The following SSBP2 variants were observed in gnomAD, a reference collection of about 807,000 sequenced individuals.
The protein encoded by SSBP2 is single-stranded DNA-binding protein 2.
Under a neutral mutation model 61.8 loss-of-function variants are expected in SSBP2, and 17 were observed. The ratio of observed to expected loss-of-function variants is 0.28; its 90% CI spans 0.19 to 0.41. The LOEUF (loss-of-function observed/expected upper bound fraction) is 0.41, where lower values mean the gene tolerates loss of function less well. Among genes scored for constraint, SSBP2 ranks in the 10% least tolerant of loss-of-function variants. The pLI is 1.00. For synonymous variants in SSBP2, 139 were observed against 141.3 expected (o/e 0.98, Z 0.12); for missense variants, 310 against 458.7 (o/e 0.68, Z 2.96).
chr5:81,434,774 A>G (rs1005654433), intron 15 of SSBP2, among the ~76,000 whole-genome samples: 11 of 152,162 alleles, frequency 7.2e-5, no homozygotes, highest in African/African-American at 2.7e-4. Flanking sequence ...AAACAAAAGG[A>G]AGAAGAAAGC....
At chr5:81,676,676 C>G (rs895966638) in intron 1 of SSBP2, among the ~76,000 whole-genome samples, 2 of 152,282 alleles carry the variant, frequency 1.3e-5, no homozygotes, top group Middle Eastern at 3.4e-3. Context: ...TTCCTAACTA[C>G]CATCCTCTCT....
At chr5:81,450,637 G>A (rs1334906154) in intron 10 of SSBP2, among the ~76,000 whole-genome samples, 1 of 152,106 alleles carries the variant, frequency 6.6e-6, no homozygotes, top group Non-Finnish European at 1.5e-5. Context: ...TATTCCTCAT[G>A]ACACTTACAA....
intron 1 of SSBP2, among the ~76,000 whole-genome samples, chr5:81,686,784 G>C (rs74566487): frequency 6.7e-6 from 1 of 149,696 alleles, no homozygotes; most frequent in Admixed American, 6.7e-5. Context: ...GAACCCAGGA[G>C]GTGAAGGTTG....
intron 5 of SSBP2, among the ~76,000 whole-genome samples, chr5:81,504,303 T>C (rs575804698): frequency 2.6e-5 from 4 of 152,334 alleles, no homozygotes; most frequent in Admixed American, 6.5e-5. Context: ...AATCTCCATG[T>C]GCAGCCAGAA....
chr5:81,478,914 C>T (rs1045002738), intron 6 of SSBP2, among the ~76,000 whole-genome samples: 27 of 152,170 alleles, frequency 1.8e-4, no homozygotes, highest in Admixed American at 3.3e-4. Flanking sequence ...TCTAGTATAT[C>T]TTTGAATATC....
intron 4 of SSBP2, among the ~76,000 whole-genome samples, chr5:81,557,897 G>C (rs1772729066): frequency 6.6e-6 from 1 of 152,072 alleles, no homozygotes; most frequent in Non-Finnish European, 1.5e-5. Context: ...TTGAAATCCA[G>C]ACATTATGAA....
At chr5:81,502,925 G>C (rs934775844) in intron 5 of SSBP2, among the ~76,000 whole-genome samples, 1 of 152,088 alleles carries the variant, frequency 6.6e-6, no homozygotes, top group African/African-American at 2.4e-5. Context: ...ATCTGACAAA[G>C]GTCTAATATC....
At position 81,426,445 on chromosome 5, in the gene SSBP2, G is replaced by A. The variant is rs114145605; in HGVS notation, c.1056+2140C>T. Among the ~76,000 whole-genome samples the A allele has an allele frequency of 2.9e-3, 445 of 152,284 alleles. 2 individuals carry two copies. Among genetic ancestry groups the A allele is most frequent in the African/African-American group, 9.4e-3 (391 of 41,554 alleles). On this transcript the variant is annotated intron_variant, in intron 16 of 16. Transcript: ENST00000320672. ...CTGGTGGGGACAGGAGACAAGGAGG[G>A]AAGAGAAAGCAGGGAACTTCTGTTT...
intron 4 of SSBP2, among the ~76,000 whole-genome samples, chr5:81,580,335 G>A (rs143048668): frequency 9.9e-5 from 15 of 151,994 alleles, no homozygotes; most frequent in Admixed American, 2.6e-4. Context: ...CCCTGTACTC[G>A]TGGGTAGAAG....
At chr5:81,738,378 C>T (rs1257861741) in intron 1 of SSBP2, among the ~76,000 whole-genome samples, 1 of 152,206 alleles carries the variant, frequency 6.6e-6, no homozygotes, top group Non-Finnish European at 1.5e-5. Flanking sequence ...TCAGCTCTAA[C>T]ATGTGTACTT....
At chr5:81,476,401 TTTCCTATTG>T (rs1414972583) in intron 6 of SSBP2, among the ~76,000 whole-genome samples, 4 of 152,208 alleles carry the variant, frequency 2.6e-5, no homozygotes, top group African/African-American at 9.6e-5. Context: ...GCAGGAATCA[TTTCCTATTG>T]TTCCTATCTA....
chr5:81,613,793 A>G (rs1745698574), intron 4 of SSBP2, among the ~76,000 whole-genome samples: 1 of 152,224 alleles, frequency 6.6e-6, no homozygotes, highest in South Asian at 2.1e-4. Context: ...ACCCCACTCT[A>G]TCCAATTCCT....
intron 4 of SSBP2, among the ~76,000 whole-genome samples, chr5:81,595,230 AG>A (rs758753980): frequency 4.6e-4 from 70 of 152,360 alleles, no homozygotes; most frequent in Non-Finnish European, 9.4e-4. Context: ...CAAATAAACT[AG>A]AAAATCTAGA....
chr5:81,603,235 C>G (rs1332691530), intron 4 of SSBP2, among the ~76,000 whole-genome samples: 3 of 152,156 alleles, frequency 2.0e-5, no homozygotes, highest in Admixed American at 6.6e-5. Context: ...AGGGGTTTCT[C>G]CACTCAGGTG....
At chr5:81,466,061 G>A (rs1764870305) in intron 9 of SSBP2, among the ~76,000 whole-genome samples, 1 of 151,982 alleles carries the variant, frequency 6.6e-6, no homozygotes, top group Non-Finnish European at 1.5e-5. Flanking sequence ...AATGATGGCA[G>A]AGTTGTTTAA....
At chr5:81,674,976 T>C (rs182722631) in intron 1 of SSBP2, among the ~76,000 whole-genome samples, 1 of 152,330 alleles carries the variant, frequency 6.6e-6, no homozygotes, top group African/African-American at 2.4e-5. Flanking sequence ...ATCAAAGTAC[T>C]GTTGTGCGCA....
intron 1 of SSBP2, among the ~76,000 whole-genome samples, chr5:81,724,635 T>TA (rs1755755103): frequency 6.6e-6 from 1 of 151,972 alleles, no homozygotes; most frequent in African/African-American, 2.4e-5. Context: ...TATACAAAGG[T>TA]AAACTCCTAA....
chr5:81,625,210 C>A (rs1465018344), intron 3 of SSBP2, among the ~76,000 whole-genome samples: 2 of 152,114 alleles, frequency 1.3e-5, no homozygotes, highest in Non-Finnish European at 2.9e-5. Context: ...AGGTAAGTTT[C>A]ATAGCAATAC....
chr5:81,531,489 C>T (rs1770405654), intron 4 of SSBP2, among the ~76,000 whole-genome samples: 1 of 152,000 alleles, frequency 6.6e-6, no homozygotes, highest in South Asian at 2.1e-4. Flanking sequence ...ACAAGAAGCC[C>T]ATCCTGGAAG....
Sources: gnomAD v4.1 joint callset for allele counts (sites outside exome capture counted in the v4.1 genomes callset) on GRCh38, gnomAD v4.1.1 for gene constraint, MANE v1.5 for transcripts, NCBI Gene and HGNC (gene_info 2026-07-23, HGNC 2026-07-21) for gene names.